The following PLEKHA5 variants were observed in gnomAD, a reference collection of about 807,000 sequenced individuals.
The protein encoded by PLEKHA5 is pleckstrin homology domain containing A5.
PLEKHA5 carries 55 observed loss-of-function variants against 181.9 expected under a neutral mutation model. That is an observed-to-expected ratio of 0.30 (90% CI 0.24 to 0.38). The LOEUF (loss-of-function observed/expected upper bound fraction) is 0.38. Among genes scored for constraint, PLEKHA5 ranks in the 10% least tolerant of loss-of-function variants. The pLI, the probability that PLEKHA5 is intolerant of heterozygous loss-of-function variation, is 1.00. For synonymous variants in PLEKHA5, 535 were observed against 529.4 expected (o/e 1.01, Z -0.15); for missense variants, 1,432 against 1,549.5 (o/e 0.92, Z 1.27).
intron 15 of PLEKHA5, chr12:19,306,588 C>G (rs1235219137): frequency 1.2e-6 from 1 of 833,036 alleles, no homozygotes; most frequent in Non-Finnish European, 2.1e-6. Flanking sequence ...GATCCGGGCC[C>G]TAGCGGCGGG....
At chr12:19,247,905 A>G (rs931265183) in intron 3 of PLEKHA5, among the ~76,000 whole-genome samples, 1 of 151,552 alleles carries the variant, frequency 6.6e-6, no homozygotes, top group African/African-American at 2.4e-5. Context: ...AAAAAAAATT[A>G]ACTTTTAATT....
At chr12:19,365,279 A>G (rs1231595962) in intron 29 of PLEKHA5, among the ~76,000 whole-genome samples, 3 of 151,440 alleles carry the variant, frequency 2.0e-5, no homozygotes, top group Admixed American at 6.6e-5. Context: ...AGGCAGGAGA[A>G]TGGTGAGAAC....
chr12:19,273,800 G>A (rs762293420), intron 10 of PLEKHA5, among the ~76,000 whole-genome samples: 1 of 152,110 alleles, frequency 6.6e-6, no homozygotes, highest in Non-Finnish European at 1.5e-5. Flanking sequence ...AATTATAATG[G>A]TAAAATAAGG....
chr12:19,265,956 A>G (rs1487412199), intron 8 of PLEKHA5, 106 bp downstream of exon 8: 3 of 519,634 alleles, frequency 5.8e-6, no homozygotes, highest in African/African-American at 2.0e-5. Flanking sequence ...AGTGATTTTT[A>G]TATTTAAAAT....
chr12:19,361,275 C>G (rs1441492457), intron 28 of PLEKHA5, among the ~76,000 whole-genome samples: 1 of 152,170 alleles, frequency 6.6e-6, no homozygotes, highest in East Asian at 1.9e-4. Flanking sequence ...CTCCACCTGC[C>G]AGGTTCACGC....
In PLEKHA5 at chr12:19,365,848, T is replaced by C. The variant is rs1035491726; in HGVS notation, c.3609-116T>C. On this transcript the variant is annotated intron_variant, in intron 29 of 31. Coordinates refer to ENST00000429027, the MANE Select transcript of PLEKHA5 (RefSeq NM_001256470.2). ...ACTTTCAAAAGAAAGAAAAGATTAA[T>C]TGTAAGAAAATGTTCGTTGTTAAAC... is the stretch of plus-strand genomic sequence containing the variant. 1.6e-5 allele frequency: 10 copies of C among 629,752 alleles called. No homozygotes were observed. The Admixed American group carries it at 2.5e-4, about 16-fold the overall frequency. 39.0% of individuals were successfully genotyped at this position (629,752 alleles called of 1,614,324 possible).
chr12:19,151,326 G>T (rs1211060232), intron 3 of PLEKHA5: 1 of 152,148 alleles, frequency 6.6e-6, no homozygotes, highest in Non-Finnish European at 1.5e-5. Context: ...GGTCAGGGAT[G>T]GAAAAAACAA....
rs1397990598 is a variant in PLEKHA5, at chr12:19,300,336, C to G, written c.2037+8639C>G. On this transcript the variant is annotated intron_variant, in intron 15 of 31. Coordinates refer to ENST00000429027, the MANE Select transcript of PLEKHA5 (RefSeq NM_001256470.2). Reference sequence around the variant, plus strand: ...GGAATATCAGCTTCTAGCTATGGCTCTAACAAGACAGCAAAGTGAAAACAA... The same window carrying G: ...GGAATATCAGCTTCTAGCTATGGCTGTAACAAGACAGCAAAGTGAAAACAA... Among the ~76,000 whole-genome samples, 9 of 152,248 alleles carry G rather than the reference C, an allele frequency of 5.9e-5. No individual in the cohort carries two copies. The East Asian group carries it at 1.7e-3, about 29-fold the overall frequency.
chr12:19,332,434 C>G (rs1220348438), intron 20 of PLEKHA5, among the ~76,000 whole-genome samples: 2 of 152,178 alleles, frequency 1.3e-5, no homozygotes, highest in African/African-American at 4.8e-5. Flanking sequence ...GCTCCTCTCC[C>G]AAAAGGAACA....
intron 8 of PLEKHA5, 79 bp downstream of exon 8, chr12:19,265,929 C>T (rs1165039857): frequency 8.6e-6 from 6 of 699,376 alleles, no homozygotes; most frequent in African/African-American, 5.4e-5. Flanking sequence ...TAGATTATTA[C>T]AAAAAAGCTA....
chr12:19,320,580 A>C lies in PLEKHA5; in HGVS notation c.2173A>C (p.Arg725=). 4 of 1,515,398 alleles carry C rather than the reference A, an allele frequency of 2.6e-6. No individual in the cohort carries two copies. Among genetic ancestry groups the C allele is most frequent in the Non-Finnish European group, 3.6e-6 (4 of 1,098,348 alleles). 93.9% of individuals were successfully genotyped at this position (1,515,398 alleles called of 1,614,324 possible). Residue 725 remains arginine, a synonymous_variant, in exon 18 of 32, where the codon AGA becomes CGA. Transcript: ENST00000429027. ...CTTATAGCTGTCACAAGATGAAGGT[A>C]GAGGCACATTATACAAATACAGACC... is the stretch of plus-strand genomic sequence containing the variant. The part of the protein sequence containing the change: ...SLYCLSQDEG[R]GTLYKYRPEE...
intron 8 of PLEKHA5, among the ~76,000 whole-genome samples, chr12:19,266,399 A>T (rs780310397): frequency 4.0e-4 from 61 of 151,834 alleles, no homozygotes; most frequent in Non-Finnish European, 6.8e-4. Context: ...TGAAAGGATC[A>T]CTTGGGCCTG....
chr12:19,207,769 G>A (rs1405709765), intron 3 of PLEKHA5: 1 of 152,104 alleles, frequency 6.6e-6, no homozygotes, highest in Admixed American at 6.5e-5. Flanking sequence ...TTCAGTAATT[G>A]TAACTATGAA....
intron 15 of PLEKHA5, among the ~76,000 whole-genome samples, chr12:19,293,301 A>G (rs1410995796): frequency 6.6e-6 from 1 of 152,182 alleles, no homozygotes; most frequent in Non-Finnish European, 1.5e-5. Flanking sequence ...TTAATTTTTA[A>G]AAGTAACACA....
chr12:19,364,039 A>G (rs2095345339), intron 29 of PLEKHA5, among the ~76,000 whole-genome samples: 1 of 152,230 alleles, frequency 6.6e-6, no homozygotes, highest in Non-Finnish European at 1.5e-5. Flanking sequence ...ATGATACAAC[A>G]ACAAAAAAAT....
intron 3 of PLEKHA5, among the ~76,000 whole-genome samples, chr12:19,237,883 T>C (rs1448418896): frequency 1.3e-5 from 2 of 152,000 alleles, no homozygotes; most frequent in African/African-American, 4.8e-5. Flanking sequence ...CTTTTGTTTT[T>C]AGACATAGCT....
chr12:19,361,241 T>A (rs1592635715), intron 28 of PLEKHA5, among the ~76,000 whole-genome samples: 1 of 152,148 alleles, frequency 6.6e-6, no homozygotes, highest in Non-Finnish European at 1.5e-5. Context: ...TGGAGTGCAG[T>A]CCGCGATCTC....
chr12:19,245,744 A>AC (rs1304540207), intron 3 of PLEKHA5, among the ~76,000 whole-genome samples: 4 of 150,786 alleles, frequency 2.7e-5, no homozygotes, highest in East Asian at 2.0e-4. Flanking sequence ...AAAAAAAAAA[A>AC]AAAAAACCTT....
chr12:19,161,964 G>A (rs2043064882), intron 3 of PLEKHA5, among the ~76,000 whole-genome samples: 1 of 152,176 alleles, frequency 6.6e-6, no homozygotes, highest in Middle Eastern at 3.4e-3. Flanking sequence ...TTTAAAGCGG[G>A]TATCTGCAAT....
Sources: allele counts gnomAD v4.1 joint callset (sites outside exome capture counted in the v4.1 genomes callset), GRCh38; gene constraint gnomAD v4.1.1; transcripts MANE v1.5; gene names NCBI Gene and HGNC (gene_info 2026-07-23, HGNC 2026-07-21).